Variants in MARS1 observed in about 807,000 individuals in gnomAD.
MARS1 encodes the protein methionyl-tRNA synthetase 1, also known as methionine--tRNA ligase, cytoplasmic.
In MARS1, 80 loss-of-function variants were observed where a neutral mutation model predicts 119.5. The ratio of observed to expected loss-of-function variants is 0.67; its 90% CI spans 0.56 to 0.81. The LOEUF is 0.81. Among genes scored for constraint, MARS1 ranks in the 30% least tolerant of loss-of-function variants. The pLI, the probability that MARS1 is intolerant of heterozygous loss-of-function variation, is 0.00. For missense variants in MARS1, 945 were observed against 1,116.5 expected, an observed-to-expected ratio of 0.85 and a Z score of 2.19; for synonymous variants, 418 against 433.4, an observed-to-expected ratio of 0.96 and a Z score of 0.44.
chr12:57,504,192 G>A (rs1565646560), intron 10 of MARS1, 33 bp from the exon 11 acceptor site: 1 of 1,548,348 alleles, frequency 6.5e-7, no homozygotes, highest in Non-Finnish European at 8.9e-7. Flanking sequence ...TGGCCTGCAG[G>A]CCTGATCTGT....
rs781410179 is a variant in MARS1, at chr12:57,504,269, G to A, written c.1338G>A (p.Ser446=). Reference sequence around the variant, plus strand: ...GCCGATCATGCCCTGTGGTGCAGTCGAGCCAGCACCTGTTTCTGGACCTGC... The same window carrying A: ...GCCGATCATGCCCTGTGGTGCAGTCAAGCCAGCACCTGTTTCTGGACCTGC... ...KVCRSCPVVQ[S]SQHLFLDLPK... Residue 446 remains serine, a synonymous_variant, in exon 11 of 21, where the codon TCG becomes TCA. Coordinates refer to ENST00000262027, the MANE Select transcript of MARS1 (RefSeq NM_004990.4). 8.7e-6 allele frequency: 14 copies of A among 1,614,016 alleles called. No individual in the cohort carries two copies. Among genetic ancestry groups the A allele is most frequent in the East Asian group, 6.7e-5 (3 of 44,888 alleles).
At chr12:57,503,028 AAACAACAAC>A (rs199629182) in intron 10 of MARS1, among the ~76,000 whole-genome samples, 4 of 151,720 alleles carry the variant, frequency 2.6e-5, no homozygotes, top group Admixed American at 6.6e-5. Flanking sequence ...TTCGTCTCAA[AAACAACAAC>A]AACAACAACA....
chr12:57,489,109 G>T lies in MARS1; in HGVS notation c.200G>T (p.Arg67Leu), dbSNP rs1285223476. ...NYLFSTSAIC[R>L]YFFLLSGWEQ... is the part of the protein sequence containing the mutation. ...CTCTTCTCCACTAGTGCAATCTGCC[G>T]GTCAGTATTGGTCCTTGGTGTAGGG... Residue 67 changes from arginine (R) to leucine (L), a missense_variant and splice_region_variant, in exon 2 of 21, where the codon CGA (arginine) becomes CTA (leucine). Transcript: ENST00000262027. The T allele has an allele frequency of 1.2e-6, 2 of 1,613,474 alleles. No homozygotes were observed. Among genetic ancestry groups the T allele is most frequent in the Admixed American group, 1.7e-5 (1 of 59,932 alleles).
At position 57,504,269 on chromosome 12, in the gene MARS1, G is replaced by C. The variant is rs781410179; in HGVS notation, c.1338G>C (p.Ser446=). 4 of 1,614,136 alleles carry C rather than the reference G, an allele frequency of 2.5e-6. No individual in the cohort carries two copies. Among genetic ancestry groups the C allele is most frequent in the Non-Finnish European group, 2.5e-6 (3 of 1,180,020 alleles). Residue 446 remains serine, a synonymous_variant, in exon 11 of 21, where the codon TCG becomes TCC. Coordinates refer to ENST00000262027, the MANE Select transcript of MARS1 (RefSeq NM_004990.4). ...KVCRSCPVVQ[S]SQHLFLDLPK... ...GCCGATCATGCCCTGTGGTGCAGTC[G>C]AGCCAGCACCTGTTTCTGGACCTGC...
intron 7 of MARS1, among the ~76,000 whole-genome samples, chr12:57,496,458 C>T (rs965453197): frequency 2.1e-4 from 32 of 152,040 alleles, no homozygotes; most frequent in African/African-American, 5.6e-4. Flanking sequence ...CCACTGCATC[C>T]GGCCAATACT....
Position 57,515,973 on chromosome 12 carries a change from GC to G in MARS1, c.2446del (p.Arg816AlafsTer16). On this transcript the variant is annotated frameshift_variant, in exon 19 of 21. Transcript: ENST00000262027. LOFTEE classifies it high-confidence loss of function. Reference sequence around the variant, plus strand: ...ATGACCAGATTGAAAGTTTAAGGCAGCGCTTTGGAGGGGGCCAGGTGAGAAA... The same window carrying G: ...ATGACCAGATTGAAAGTTTAAGGCAGGCTTTGGAGGGGGCCAGGTGAGAAA... ...ENDQIESLRQ[R>X]FGGGQAKTSP... The G allele has an allele frequency of 6.2e-7, 1 of 1,614,196 alleles. No individual in the cohort carries two copies. Among genetic ancestry groups the G allele is most frequent in the Non-Finnish European group, 8.5e-7 (1 of 1,180,036 alleles).
At chr12:57,493,473 ATAATATATAATATATAATATAT>A (rs1876170732) in intron 7 of MARS1, among the ~76,000 whole-genome samples, 1 of 2,016 alleles carries the variant, frequency 5.0e-4, no homozygotes, top group African/African-American at 8.4e-4. Flanking sequence ...TATATAATAT[ATAATATATAATATATAATATAT>A]TATAATATAT....
rs1875839426 is a variant in MARS1, at chr12:57,490,369, A to G, written c.653A>G (p.Asn218Ser). Residue 218 changes from asparagine (N) to serine (S), a missense_variant, in exon 6 of 21, where the codon AAT becomes AGT. Coordinates refer to ENST00000262027, the MANE Select transcript of MARS1 (RefSeq NM_004990.4). ...CCCGCTGAGGGAAGGGCTGTCACCA[A>G]TGAGCCTGAGGTTTGGAATAGGGCA... ...PSPAEGRAVT[N>S]EPEEEELATL... 2.5e-6 allele frequency: 4 copies of G among 1,612,434 alleles called. No individual in the cohort carries two copies. The highest frequency in any genetic ancestry group is 3.3e-5 in the Admixed American group (2 of 59,994).
rs1254166222 is a variant in MARS1, at chr12:57,512,255, T to C, written c.1655T>C (p.Met552Thr). The C allele has an allele frequency of 1.9e-6, 3 of 1,614,112 alleles. No homozygotes were observed. The highest frequency in any genetic ancestry group is 4.5e-5 in the East Asian group (2 of 44,888). ...CCCTAGGTGGACCTGTATCAGTTCA[T>C]GGCCAAAGACAATGTTCCTTTCCAT... The part of the protein sequence containing the change: ...NPEQVDLYQF[M>T]AKDNVPFHSL... The change falls in exon 14 of 21, where the codon ATG becomes ACG. Residue 552 changes from methionine (M) to threonine (T), a missense_variant. Transcript: ENST00000262027.
In MARS1 at chr12:57,488,082, C is replaced by T; in HGVS notation, c.-9C>T. On this transcript the variant is annotated 5_prime_UTR_variant, in exon 1 of 21. Coordinates refer to ENST00000262027, the MANE Select transcript of MARS1 (RefSeq NM_004990.4). Reference sequence around the variant, plus strand: ...GTTCCGGTTGCATCAGCGAGGGATTCACGGCGAAATGAGACTGTTCGTGAG... The same window carrying T: ...GTTCCGGTTGCATCAGCGAGGGATTTACGGCGAAATGAGACTGTTCGTGAG... 1 of 1,612,714 alleles carries T rather than the reference C, an allele frequency of 6.2e-7. No individual in the cohort carries two copies. Among genetic ancestry groups the T allele is most frequent in the Non-Finnish European group, 8.5e-7 (1 of 1,178,846 alleles).
chr12:57,489,785 G>A lies in MARS1; in HGVS notation c.415-111G>A, dbSNP rs919010096. ...AGGATTAAGTGAGATCATATAAAGT[G>A]CTTAATACAGTGCTTGACATATAAA... On this transcript the variant is annotated intron_variant, in intron 4 of 20. Transcript: ENST00000262027. 22 of 1,110,982 alleles carry A rather than the reference G, an allele frequency of 2.0e-5. No individual in the cohort carries two copies. In the Admixed American group the frequency reaches 3.4e-4, roughly 17 times the overall value. The allele number at this position is 1,110,982 out of a possible 1,614,324, so 68.8% of individuals were successfully genotyped here.
chr12:57,505,164 GT>G lies in MARS1; in HGVS notation c.1368+879del, dbSNP rs34010387. On this transcript the variant is annotated intron_variant, in intron 11 of 20. Coordinates refer to ENST00000262027, the MANE Select transcript of MARS1 (RefSeq NM_004990.4). ...GTGTCCAGCATTGACCTCCTGATTT[GT>G]TTTTTTTTTTTTTGAGATGGAGCTT... 7.2e-4 allele frequency among the ~76,000 whole-genome samples: 101 copies of G among 140,408 alleles called. 2 individuals carry two copies. The highest frequency in any genetic ancestry group is 3.4e-3 in the South Asian group (15 of 4,408). 92.1% of individuals were successfully genotyped at this position (140,408 alleles called of 152,430 possible).
chr12:57,511,947 C>G, intron 12 of MARS1, 61 bp from the exon 13 acceptor site: 1 of 1,604,304 alleles, frequency 6.2e-7, no homozygotes, highest in Middle Eastern at 1.7e-4. Context: ...CTGATTATGT[C>G]TTGTTTCAGT....
intron 10 of MARS1, among the ~76,000 whole-genome samples, chr12:57,502,040 T>C (rs1026051463): frequency 2.6e-5 from 4 of 151,982 alleles, no homozygotes; most frequent in African/African-American, 7.3e-5. Flanking sequence ...GCAACAAGGC[T>C]ACAACCCAGA....
chr12:57,493,327 TATATA>T (rs1466602238), intron 7 of MARS1, among the ~76,000 whole-genome samples: 63 of 101,782 alleles, frequency 6.2e-4, no homozygotes, highest in African/African-American at 1.8e-3. Context: ...TAATATATTA[TATATA>T]ATATATGTTA....
rs991765597 is a variant in MARS1, at chr12:57,513,028, G to A, written c.1967+64G>A. The A allele has an allele frequency of 9.5e-6, 13 of 1,370,546 alleles. No individual in the cohort carries two copies. The East Asian group carries it at 3.0e-4, about 31-fold the overall frequency. 84.9% of individuals were successfully genotyped at this position (1,370,546 alleles called of 1,614,324 possible). On this transcript the variant is annotated intron_variant, in intron 15 of 20. Transcript: ENST00000262027. ...GGGTGGGGCTCATTTTCCCTCAGGA[G>A]ATGGGAATGTGGAGAGAACTAGAAA... is the stretch of plus-strand genomic sequence containing the variant.
rs34351056 is a variant in MARS1 at position 57,504,695 on chromosome 12, A to ATTT, written c.1368+419_1368+421dup. Among the ~76,000 whole-genome samples the ATTT allele has an allele frequency of 8.3e-3, 691 of 83,482 alleles. 4 individuals are homozygous for ATTT. The highest frequency in any genetic ancestry group is 0.012 in the Middle Eastern group (1 of 82). The allele number at this position is 83,482 out of a possible 152,430, so 54.8% of individuals were successfully genotyped here. On this transcript the variant is annotated intron_variant, in intron 11 of 20. Transcript: ENST00000262027. ...GCCTCCCAAGTACCATGCCTGACTG[A>ATTT]TTTTTTTTTTTTTTTTTTTTTTTTT...
intron 7 of MARS1, among the ~76,000 whole-genome samples, chr12:57,493,193 TG>T (rs1440769920): frequency 3.4e-5 from 5 of 147,242 alleles, no homozygotes; most frequent in East Asian, 3.9e-4. Context: ...GTCTCTTTTA[TG>T]GGGCTCAGTT....
intron 11 of MARS1, among the ~76,000 whole-genome samples, chr12:57,506,467 T>C (rs180781760): frequency 6.6e-6 from 1 of 151,950 alleles, no homozygotes; most frequent in East Asian, 1.9e-4. Context: ...AGTCCTCAGG[T>C]TGGGTTTGTT....
Sources: allele counts gnomAD v4.1 joint callset (sites outside exome capture counted in the v4.1 genomes callset), GRCh38; gene constraint gnomAD v4.1.1; transcripts MANE v1.5; gene names NCBI Gene and HGNC (gene_info 2026-07-23, HGNC 2026-07-21).